Variants in TMC1 observed in about 807,000 individuals in gnomAD.
The protein encoded by TMC1 is transmembrane channel-like protein 1.
In TMC1, 84 loss-of-function variants were observed where a neutral mutation model predicts 105.8. That is an observed-to-expected ratio of 0.79 (90% CI 0.67 to 0.95). TMC1 has a LOEUF of 0.95. TMC1 is among the 40% of genes least tolerant of loss of function. The pLI is 0.00. For synonymous variants in TMC1, 315 were observed against 311.5 expected (o/e 1.01, Z -0.12); for missense variants, 817 against 914.1 (o/e 0.89, Z 1.37).
At chr9:72,592,971 T>C (rs371077981) in intron 2 of TMC1, among the ~76,000 whole-genome samples, 2 of 152,230 alleles carry the variant, frequency 1.3e-5, no homozygotes, top group South Asian at 2.1e-4. Context: ...ACTATTATCT[T>C]GACTAGGCTC....
intron 12 of TMC1, among the ~76,000 whole-genome samples, chr9:72,766,330 T>G (rs946585965): frequency 6.7e-6 from 1 of 148,878 alleles, no homozygotes; most frequent in Non-Finnish European, 1.5e-5. Flanking sequence ...GTCAGAAGAA[T>G]GGCATGAACC....
intron 4 of TMC1, chr9:72,628,313 ATTCTGAACAAATAC>A (rs1825385958): frequency 3.9e-6 from 1 of 255,350 alleles, no homozygotes; most frequent in Non-Finnish European, 7.9e-6. Context: ...TGGCAGATAC[ATTCTGAACAAATAC>A]TTGTGTCATC....
At chr9:72,655,520 T>C (rs1469932124) in intron 5 of TMC1, among the ~76,000 whole-genome samples, 1 of 152,052 alleles carries the variant, frequency 6.6e-6, no homozygotes, top group African/African-American at 2.4e-5. Flanking sequence ...ACTTCCTAAC[T>C]TTGGCAGGTC....
At chr9:72,700,779 C>CAT in intron 8 of TMC1, 136 bp downstream of exon 8, 1 of 325,210 alleles carries the variant, frequency 3.1e-6, no homozygotes, top group African/African-American at 2.3e-5. Flanking sequence ...CACACACACA[C>CAT]ATACACTGTA....
chr9:72,837,841 A>G lies in TMC1; in HGVS notation c.*1868A>G, dbSNP rs1829149380. ...CGCACTGTTTCCCTGCCAGTTCTAAACTTTATTCCTCTGGTTGTCTTTTTC... is the reference window on the plus strand; with the variant it reads ...CGCACTGTTTCCCTGCCAGTTCTAAGCTTTATTCCTCTGGTTGTCTTTTTC... On this transcript the variant is annotated 3_prime_UTR_variant, in exon 24 of 24. Transcript: ENST00000297784. 1 of 152,060 alleles carries G rather than the reference A, an allele frequency of 6.6e-6. No individual in the cohort carries two copies. The highest frequency in any genetic ancestry group is 6.5e-5 in the Admixed American group (1 of 15,270). 9.4% of individuals were successfully genotyped at this position (152,060 alleles called of 1,614,324 possible).
At chr9:72,559,285 G>A (rs187989707) in intron 1 of TMC1, among the ~76,000 whole-genome samples, 323 of 152,112 alleles carry the variant, frequency 2.1e-3, no homozygotes, top group Middle Eastern at 0.017. Flanking sequence ...TAGTACAGAT[G>A]GGTTTTCACC....
chr9:72,787,440 C>G (rs1431874428), intron 13 of TMC1, among the ~76,000 whole-genome samples: 1 of 152,084 alleles, frequency 6.6e-6, no homozygotes, highest in Admixed American at 6.6e-5. Flanking sequence ...CATTGTGCCC[C>G]TTTCTTCTTT....
intron 21 of TMC1, among the ~76,000 whole-genome samples, chr9:72,828,699 C>T (rs1828996864): frequency 6.6e-6 from 1 of 152,174 alleles, no homozygotes; most frequent in African/African-American, 2.4e-5. Flanking sequence ...TGCCCCAAGT[C>T]AAGTGACTAA....
intron 21 of TMC1, among the ~76,000 whole-genome samples, chr9:72,830,034 G>A (rs994591363): frequency 1.3e-5 from 2 of 152,280 alleles, no homozygotes; most frequent in East Asian, 1.9e-4. Context: ...GCAGAAAGTC[G>A]TTTTCCTTTT....
intron 3 of TMC1, 79 bp from the exon 4 acceptor site, chr9:72,627,842 C>G (rs1280008448): frequency 2.9e-6 from 1 of 350,502 alleles, no homozygotes; most frequent in Non-Finnish European, 5.6e-6. Context: ...AAAAAACATT[C>G]TTTACTCAGA....
At chr9:72,542,815 G>T (rs979756286) in intron 1 of TMC1, among the ~76,000 whole-genome samples, 6 of 151,886 alleles carry the variant, frequency 4.0e-5, no homozygotes, top group Non-Finnish European at 1.5e-5. Context: ...GAGTAGGTGG[G>T]ATTACAGGTG....
chr9:72,637,221 G>C (rs1489090046), intron 4 of TMC1, among the ~76,000 whole-genome samples: 1 of 151,284 alleles, frequency 6.6e-6, no homozygotes, highest in Non-Finnish European at 1.5e-5. Context: ...TACTAAAATG[G>C]TTATTATTAT....
At position 72,570,732 on chromosome 9, in the gene TMC1, A is replaced by C. The variant is rs540996137; in HGVS notation, c.-427-7170A>C. Among the ~76,000 whole-genome samples, 33 of 109,604 alleles carry C rather than the reference A, an allele frequency of 3.0e-4. 1 individual carries two copies. Among genetic ancestry groups the C allele is most frequent in the African/African-American group, 1.1e-3 (31 of 27,536 alleles). The allele number at this position is 109,604 out of a possible 152,430, so 71.9% of individuals were successfully genotyped here. ...GAGACAGAGTCTTGCTCTGTCACCC[A>C]GGCTGGAGTGCAGTGGTGCGATCTC... is the stretch of plus-strand genomic sequence containing the variant. On this transcript the variant is annotated intron_variant, in intron 1 of 23. Coordinates refer to ENST00000297784, the MANE Select transcript of TMC1 (RefSeq NM_138691.3).
At chr9:72,639,020 A>G (rs1184556231) in intron 4 of TMC1, among the ~76,000 whole-genome samples, 1 of 152,168 alleles carries the variant, frequency 6.6e-6, no homozygotes, top group African/African-American at 2.4e-5. Flanking sequence ...CCATAGGTGG[A>G]ATTTTTACTT....
chr9:72,707,578 A>G (rs1451221997), intron 8 of TMC1, among the ~76,000 whole-genome samples: 1 of 152,062 alleles, frequency 6.6e-6, no homozygotes, highest in Non-Finnish European at 1.5e-5. Context: ...TTGTCTATTC[A>G]TGACCTTAGC....
At chr9:72,545,844 G>T (rs181038441) in intron 1 of TMC1, among the ~76,000 whole-genome samples, 5 of 152,000 alleles carry the variant, frequency 3.3e-5, no homozygotes, top group East Asian at 1.9e-4. Flanking sequence ...ATCCTATTGC[G>T]CAGTAATTTT....
At chr9:72,831,941 G>C (rs2118336276) in intron 23 of TMC1, among the ~76,000 whole-genome samples, 1 of 151,448 alleles carries the variant, frequency 6.6e-6, no homozygotes, top group South Asian at 2.1e-4. Context: ...ATAATCCTTT[G>C]GGTATATACC....
At chr9:72,784,697 C>T (rs142734956) in intron 13 of TMC1, among the ~76,000 whole-genome samples, 48 of 152,278 alleles carry the variant, frequency 3.2e-4, no homozygotes, top group African/African-American at 1.1e-3. Flanking sequence ...CCTAGATGTC[C>T]GTCAACAGTG....
At chr9:72,671,339 T>G (rs1588023706) in intron 5 of TMC1, among the ~76,000 whole-genome samples, 1 of 152,320 alleles carries the variant, frequency 6.6e-6, no homozygotes, top group East Asian at 1.9e-4. Flanking sequence ...ATGATCTGCT[T>G]CAGAGAAGTG....
Sources: gnomAD v4.1 joint callset for allele counts (sites outside exome capture counted in the v4.1 genomes callset) on GRCh38, gnomAD v4.1.1 for gene constraint, MANE v1.5 for transcripts, NCBI Gene and HGNC (gene_info 2026-07-23, HGNC 2026-07-21) for gene names.